The following TMEM71 variants were observed in gnomAD, a reference collection of about 807,000 sequenced individuals.
TMEM71 encodes transmembrane protein 71.
In TMEM71, 44 loss-of-function variants were observed where a neutral mutation model predicts 38.0. That is an observed-to-expected ratio of 1.16 (90% CI 0.91 to 1.49). TMEM71 has a LOEUF of 1.49. Among genes scored for constraint, TMEM71 ranks in the 40% most tolerant of loss-of-function variants. The probability of loss-of-function intolerance (pLI) is 0.00; values close to 1 mark genes in which losing one functional copy is unlikely to be tolerated. For synonymous variants in TMEM71, 133 were observed against 122.5 expected, an observed-to-expected ratio of 1.09 and a Z score of -0.56; for missense variants, 367 against 348.6, an observed-to-expected ratio of 1.05 and a Z score of -0.42.
At chr8:132,711,237 A>G (rs1199797715) in intron 9 of TMEM71, among the ~76,000 whole-genome samples, 1 of 152,158 alleles carries the variant, frequency 6.6e-6, no homozygotes, top group African/African-American at 2.4e-5. Flanking sequence ...CCCTCAGCCC[A>G]GCGTGGTACT....
intron 5 of TMEM71, among the ~76,000 whole-genome samples, chr8:132,735,348 G>A (rs1282994908): frequency 6.6e-6 from 1 of 152,204 alleles, no homozygotes; most frequent in African/African-American, 2.4e-5. Flanking sequence ...ATGTTTGATT[G>A]CATCCATTGC....
intron 6 of TMEM71, among the ~76,000 whole-genome samples, chr8:132,725,762 C>T (rs2131052739): frequency 1.3e-5 from 2 of 152,282 alleles, no homozygotes; most frequent in Middle Eastern, 3.4e-3. Context: ...CTACCTCCAC[C>T]AGCCAGAAGG....
chr8:132,762,342 T>C (rs1829311702), upstream of TMEM71, among the ~76,000 whole-genome samples: 1 of 152,152 alleles, frequency 6.6e-6, no homozygotes, highest in Non-Finnish European at 1.5e-5. Context: ...TTATCCCTCA[T>C]CCTCCCTCTT....
intron 2 of TMEM71, among the ~76,000 whole-genome samples, chr8:132,757,520 C>A (rs968270319): frequency 1.2e-4 from 19 of 152,054 alleles, no homozygotes; most frequent in Non-Finnish European, 2.5e-4. Context: ...TCTTCTGTTC[C>A]TTCATCCACA....
chr8:132,759,541 T>G (rs1829216053), intron 1 of TMEM71: 1 of 152,250 alleles, frequency 6.6e-6, no homozygotes, highest in African/African-American at 2.4e-5. Flanking sequence ...AATTTCTCAA[T>G]TACTAATTAA....
chr8:132,727,726 T>A (rs1827225957), intron 6 of TMEM71, 72 bp downstream of exon 6: 1 of 1,391,176 alleles, frequency 7.2e-7, no homozygotes, highest in Non-Finnish European at 9.9e-7. Flanking sequence ...TTTAGTCATC[T>A]CCAAGTCATT....
At position 132,710,148 on chromosome 8, in the gene TMEM71, G is replaced by A. The variant is rs1826166575; in HGVS notation, c.*819C>T. On this transcript the variant is annotated 3_prime_UTR_variant, in exon 10 of 10. Transcript: ENST00000677595. ...GCTTTGTGAACACGCACCAAGTGTG[G>A]GGGGTGGAAAGGGAACATCTACAGC... 6.6e-6 allele frequency: 1 copy of A among 152,038 alleles called. No individual in the cohort carries two copies. Among genetic ancestry groups the A allele is most frequent in the Non-Finnish European group, 1.5e-5 (1 of 68,028 alleles). 9.4% of individuals were successfully genotyped at this position (152,038 alleles called of 1,614,324 possible).
the TMEM71 span, among the ~76,000 whole-genome samples, chr8:132,767,956 T>G: frequency 6.6e-6 from 1 of 152,192 alleles, no homozygotes; most frequent in Non-Finnish European, 1.5e-5. Context: ...GAGATCACAA[T>G]GCCATTAAGC....
the TMEM71 span, among the ~76,000 whole-genome samples, chr8:132,774,157 T>C: frequency 6.6e-6 from 1 of 152,190 alleles, no homozygotes; most frequent in Admixed American, 6.5e-5. Context: ...TACATAATTC[T>C]AAGGAGGGTG....
chr8:132,714,079 A>T (rs1826375302), intron 8 of TMEM71, 27 bp from the exon 9 acceptor site: 2 of 1,613,854 alleles, frequency 1.2e-6, no homozygotes, highest in African/African-American at 2.7e-5. Flanking sequence ...AAAATATTTT[A>T]AAATCATTTT....
the TMEM71 span, among the ~76,000 whole-genome samples, chr8:132,774,331 A>G: frequency 2.0e-5 from 3 of 152,232 alleles, no homozygotes; most frequent in South Asian, 6.2e-4. Context: ...TCTTATTTAT[A>G]TCTTTTCTAT....
upstream of TMEM71, among the ~76,000 whole-genome samples, chr8:132,762,421 T>C (rs1159383905): frequency 6.6e-6 from 1 of 152,156 alleles, no homozygotes; most frequent in Non-Finnish European, 1.5e-5. Flanking sequence ...CCCTCTGCTC[T>C]TCCTGTGCCC....
chr8:132,741,149 G>A (rs187147977), intron 5 of TMEM71, among the ~76,000 whole-genome samples: 3 of 152,254 alleles, frequency 2.0e-5, no homozygotes, highest in African/African-American at 4.8e-5. Flanking sequence ...TGGATCACGA[G>A]GTCAGGAGAT....
intron 1 of TMEM71, chr8:132,759,279 A>C (rs752391719): frequency 6.2e-6 from 1 of 160,774 alleles, no homozygotes; most frequent in South Asian, 1.7e-4. Context: ...ACAGTCATTT[A>C]GCCCCAAAAC....
chr8:132,733,853 G>A (rs1048444181), intron 5 of TMEM71, among the ~76,000 whole-genome samples: 1 of 152,168 alleles, frequency 6.6e-6, no homozygotes, highest in African/African-American at 2.4e-5. Flanking sequence ...CCATTTGCAA[G>A]AACATGGATA....
At chr8:132,764,833 C>T (rs57001042), upstream of TMEM71, among the ~76,000 whole-genome samples, 1 of 152,172 alleles carries the variant, frequency 6.6e-6, no homozygotes, top group African/African-American at 2.4e-5. Context: ...ACTGTGAGAT[C>T]TCAGAGAATA....
downstream of TMEM71, among the ~76,000 whole-genome samples, chr8:132,707,929 C>T (rs28471976): frequency 0.14 from 21,461 of 152,064 alleles, 1,716 homozygotes; most frequent in East Asian, 0.3. Context: ...TATTCTTCAC[C>T]GTCATACTCC....
At chr8:132,756,403 CATATATATTATATATATATATAT>C (rs1168642556) in intron 3 of TMEM71, among the ~76,000 whole-genome samples, 2 of 95,234 alleles carry the variant, frequency 2.1e-5, no homozygotes, top group African/African-American at 9.9e-5. Context: ...TTGACACTAA[CATATATATTATATATATATATAT>C]ATATATATAT....
intron 5 of TMEM71, among the ~76,000 whole-genome samples, chr8:132,744,116 T>G (rs1384527752): frequency 6.6e-6 from 1 of 151,704 alleles, no homozygotes; most frequent in African/African-American, 2.4e-5. Flanking sequence ...CAGTAAACCA[T>G]AAGGCCCAAG....
Sources: allele counts gnomAD v4.1 joint callset (sites outside exome capture counted in the v4.1 genomes callset), GRCh38; gene constraint gnomAD v4.1.1; transcripts MANE v1.5; gene names NCBI Gene and HGNC (gene_info 2026-07-23, HGNC 2026-07-21).